MRE11: variants seen among roughly 807,000 people sequenced by gnomAD.
The protein encoded by MRE11 is MRE11 double strand break repair nuclease.
Under a neutral mutation model 91.7 loss-of-function variants are expected in MRE11, and 62 were observed. The observed-to-expected ratio is 0.68, with a 90% CI of 0.55 to 0.84. The LOEUF is 0.84. Ranked by LOEUF, MRE11 falls within the 40% of genes least tolerant of loss-of-function variation. The probability of loss-of-function intolerance (pLI) is 0.00; values close to 1 mark genes in which losing one functional copy is unlikely to be tolerated. For missense variants in MRE11, 796 were observed against 852.9 expected (o/e 0.93, Z 0.83); for synonymous variants, 273 against 271.4 (o/e 1.01, Z -0.06).
chr11:94,501,462 T>C, the MRE11 span, among the ~76,000 whole-genome samples: 1 of 151,978 alleles, frequency 6.6e-6, no homozygotes, highest in East Asian at 2.0e-4. Flanking sequence ...AAATTAATTT[T>C]ATATATATAT....
At chr11:94,464,332 G>A in intron 10 of MRE11, 93 bp from the exon 11 acceptor site, 1 of 1,498,286 alleles carries the variant, frequency 6.7e-7, no homozygotes, top group Non-Finnish European at 9.2e-7. Context: ...CAGTGTTTAT[G>A]CTTGATACTT....
intron 19 of MRE11, among the ~76,000 whole-genome samples, chr11:94,429,329 T>A (rs1039852894): frequency 6.6e-6 from 1 of 152,222 alleles, no homozygotes; most frequent in African/African-American, 2.4e-5. Context: ...ATCCCATTAC[T>A]GGCTATATAA....
intron 9 of MRE11, among the ~76,000 whole-genome samples, chr11:94,468,763 T>A (rs1489313316): frequency 6.6e-6 from 1 of 152,214 alleles, no homozygotes; most frequent in African/African-American, 2.4e-5. Flanking sequence ...TATGTGGATA[T>A]AGAGTACTTG....
At chr11:94,450,633 AAAC>A (rs1946074480) in intron 14 of MRE11, among the ~76,000 whole-genome samples, 1 of 152,156 alleles carries the variant, frequency 6.6e-6, no homozygotes, top group South Asian at 2.1e-4. Flanking sequence ...CAAAACTATA[AAAC>A]AAAACGAAAG....
At chr11:94,494,345 TGC>T, upstream of MRE11, among the ~76,000 whole-genome samples, 1 of 152,208 alleles carries the variant, frequency 6.6e-6, no homozygotes, top group Non-Finnish European at 1.5e-5. Flanking sequence ...TCAGCACATC[TGC>T]ACTGCTTTGT....
chr11:94,456,388 T>C, intron 13 of MRE11, 50 bp from the exon 14 acceptor site: 1 of 1,430,738 alleles, frequency 7.0e-7, no homozygotes, highest in Non-Finnish European at 9.8e-7. Flanking sequence ...TCCAGTTATG[T>C]AAATATAAAA....
At chr11:94,438,334 C>T (rs1366310814) in intron 16 of MRE11, among the ~76,000 whole-genome samples, 3 of 152,150 alleles carry the variant, frequency 2.0e-5, no homozygotes, top group East Asian at 1.9e-4. Flanking sequence ...AGAAAACTAA[C>T]GAATCTTTCT....
At chr11:94,442,999 T>C (rs1483935473) in intron 16 of MRE11, among the ~76,000 whole-genome samples, 1 of 152,234 alleles carries the variant, frequency 6.6e-6, no homozygotes, top group Non-Finnish European at 1.5e-5. Context: ...CTAGCTCTTC[T>C]GAAGTACTAA....
chr11:94,439,968 A>G (rs1945730845), intron 16 of MRE11, among the ~76,000 whole-genome samples: 1 of 152,212 alleles, frequency 6.6e-6, no homozygotes, highest in Non-Finnish European at 1.5e-5. Context: ...TATGTGCCAA[A>G]TATAGTGGAT....
intron 19 of MRE11, 24 bp from the exon 20 acceptor site, chr11:94,420,205 A>C (rs770064865): frequency 1.3e-6 from 2 of 1,566,304 alleles, no homozygotes; most frequent in Non-Finnish European, 1.7e-6. Flanking sequence ...CAAATGTTGT[A>C]TTAGTGATTG....
At chr11:94,474,625 A>G (rs997414546) in intron 7 of MRE11, among the ~76,000 whole-genome samples, 1 of 152,168 alleles carries the variant, frequency 6.6e-6, no homozygotes, top group African/African-American at 2.4e-5. Flanking sequence ...GTGAAACAGG[A>G]TATTTGCATA....
intron 11 of MRE11, among the ~76,000 whole-genome samples, chr11:94,462,431 T>C (rs1449357102): frequency 1.3e-5 from 2 of 152,122 alleles, no homozygotes; most frequent in Non-Finnish European, 2.9e-5. Flanking sequence ...AAAACTACTT[T>C]AAAGTTCATA....
chr11:94,469,393 T>C (rs1264356718), intron 9 of MRE11, among the ~76,000 whole-genome samples: 1 of 152,088 alleles, frequency 6.6e-6, no homozygotes, highest in African/African-American at 2.4e-5. Flanking sequence ...AAAGAATTAT[T>C]AGTACAAAAT....
chr11:94,450,963 T>C (rs1028917270), intron 14 of MRE11, among the ~76,000 whole-genome samples: 5 of 151,992 alleles, frequency 3.3e-5, no homozygotes, highest in African/African-American at 1.2e-4. Flanking sequence ...ATATACATCA[T>C]TAGAAATAAG....
At chr11:94,477,616 T>C (rs1946897591) in intron 6 of MRE11, among the ~76,000 whole-genome samples, 1 of 152,102 alleles carries the variant, frequency 6.6e-6, no homozygotes, top group Admixed American at 6.6e-5. Context: ...AATACATGGC[T>C]GAGGTGGAAT....
In MRE11 at chr11:94,492,849, C is replaced by G. The variant is rs369139993; in HGVS notation, c.-48G>C. 6.4e-7 allele frequency: 1 copy of G among 1,564,368 alleles called. No individual in the cohort carries two copies. Among genetic ancestry groups the G allele is most frequent in the Non-Finnish European group, 8.8e-7 (1 of 1,136,422 alleles). ...CTGGGACCAGGTTCTTCTCCAAGAA[C>G]CCCTGGGTACTGTACTCAAATGTCA... On this transcript the variant is annotated 5_prime_UTR_variant, in exon 2 of 20. Coordinates refer to ENST00000323929, the MANE Select transcript of MRE11 (RefSeq NM_005591.4).
upstream of MRE11, chr11:94,496,505 T>G: frequency 1.9e-6 from 1 of 536,660 alleles, no homozygotes. Context: ...AACAAGAGTT[T>G]AGACAGGGTT....
chr11:94,459,719 G>A, intron 12 of MRE11, 138 bp from the exon 13 acceptor site: 1 of 970,194 alleles, frequency 1.0e-6, no homozygotes, highest in Non-Finnish European at 1.5e-6. Context: ...ACTAATATCA[G>A]GAACCAGAAA....
At chr11:94,467,078 T>TG (rs902896499) in intron 10 of MRE11, among the ~76,000 whole-genome samples, 182 of 152,316 alleles carry the variant, frequency 1.2e-3, no homozygotes, top group African/African-American at 4.1e-3. Context: ...CCACTGGTTA[T>TG]GGTGAAGTCA....
Sources: gnomAD v4.1 joint callset for allele counts (sites outside exome capture counted in the v4.1 genomes callset) on GRCh38, gnomAD v4.1.1 for gene constraint, MANE v1.5 for transcripts, NCBI Gene and HGNC (gene_info 2026-07-23, HGNC 2026-07-21) for gene names.